The following MYO5B variants were observed in gnomAD, a reference collection of about 807,000 sequenced individuals.
MYO5B encodes myosin VB.
A neutral mutation model predicts 229.3 loss-of-function variants in MYO5B; 143 were observed. That is an observed-to-expected ratio of 0.62 (90% CI 0.54 to 0.72). The LOEUF (loss-of-function observed/expected upper bound fraction) is 0.72. Ranked by LOEUF, MYO5B falls within the 30% of genes least tolerant of loss-of-function variation. MYO5B has a pLI of 0.00. For synonymous variants in MYO5B, 918 were observed against 885.2 expected, an observed-to-expected ratio of 1.04 and a Z score of -0.66; for missense variants, 2,321 against 2,331.0, an observed-to-expected ratio of 1.00 and a Z score of 0.09.
intron 12 of MYO5B, among the ~76,000 whole-genome samples, chr18:49,956,678 C>CT (rs5824814): frequency 0.69 from 105,611 of 152,028 alleles, 37,426 homozygotes; most frequent in African/African-American, 0.83. Flanking sequence ...GCACATACAG[C>CT]TATATGAACT....
intron 30 of MYO5B, among the ~76,000 whole-genome samples, chr18:49,856,146 C>T (rs1056186178): frequency 2.6e-5 from 4 of 152,224 alleles, no homozygotes; most frequent in Non-Finnish European, 4.4e-5. Flanking sequence ...GGGTTTCAGG[C>T]ACAGACTCTG....
chr18:50,111,958 A>C (rs532529421), intron 1 of MYO5B, among the ~76,000 whole-genome samples: 1 of 152,232 alleles, frequency 6.6e-6, no homozygotes, highest in Non-Finnish European at 1.5e-5. Flanking sequence ...GGAGCAGAGA[A>C]GGAAGAGACA....
chr18:50,117,493 T>G (rs1447057973), intron 1 of MYO5B, among the ~76,000 whole-genome samples: 1 of 152,170 alleles, frequency 6.6e-6, no homozygotes, highest in African/African-American at 2.4e-5. Flanking sequence ...ATTATATCTT[T>G]CTATATACCA....
Position 50,053,842 on chromosome 18 carries a change from C to T in MYO5B, c.138+1426G>A, listed in dbSNP as rs150209870. Among the ~76,000 whole-genome samples, 166 of 152,324 alleles carry T rather than the reference C, an allele frequency of 1.1e-3. 1 individual carries two copies. Among genetic ancestry groups the T allele is most frequent in the African/African-American group, 3.8e-3 (157 of 41,576 alleles). ...CAGGAAATGATCAGAGGATATGGTACACACTTTTAGTGCTGTTGCCATTCA... is the reference window on the plus strand; with the variant it reads ...CAGGAAATGATCAGAGGATATGGTATACACTTTTAGTGCTGTTGCCATTCA... On this transcript the variant is annotated intron_variant, in intron 2 of 39. Transcript: ENST00000285039.
intron 1 of MYO5B, among the ~76,000 whole-genome samples, chr18:50,186,196 C>G (rs147162509): frequency 1.1e-3 from 162 of 152,312 alleles, no homozygotes; most frequent in African/African-American, 3.8e-3. Context: ...CCAAGCTGGG[C>G]CAGCCTCATC....
intron 17 of MYO5B, among the ~76,000 whole-genome samples, chr18:49,915,869 C>T (rs763780362): frequency 3.9e-5 from 6 of 152,190 alleles, no homozygotes; most frequent in African/African-American, 1.2e-4. Flanking sequence ...CTTCCTGTCT[C>T]GGCCCCCAAG....
At chr18:49,974,252 A>G in intron 10 of MYO5B, 98 bp downstream of exon 10, 1 of 1,563,336 alleles carries the variant, frequency 6.4e-7, no homozygotes, top group South Asian at 1.1e-5. Flanking sequence ...CTAAGTTGAG[A>G]ACCACCAGGA....
At chr18:49,947,582 A>C (rs891407833) in intron 14 of MYO5B, among the ~76,000 whole-genome samples, 3 of 152,218 alleles carry the variant, frequency 2.0e-5, no homozygotes, top group Non-Finnish European at 2.9e-5. Context: ...ACAAACTCCA[A>C]TTATGTGTTT....
At chr18:50,148,379 C>A (rs958777438) in intron 1 of MYO5B, among the ~76,000 whole-genome samples, 6 of 151,194 alleles carry the variant, frequency 4.0e-5, no homozygotes, top group African/African-American at 1.2e-4. Flanking sequence ...GAGACACAAG[C>A]AAAAAAGAGA....
chr18:49,925,832 G>A (rs1368212082), intron 17 of MYO5B, among the ~76,000 whole-genome samples: 1 of 152,184 alleles, frequency 6.6e-6, no homozygotes, highest in African/African-American at 2.4e-5. Context: ...GGCAATGAAA[G>A]GCAGTCTAAT....
chr18:49,869,023 T>A (rs1247520536), intron 27 of MYO5B, among the ~76,000 whole-genome samples: 1 of 152,216 alleles, frequency 6.6e-6, no homozygotes, highest in Non-Finnish European at 1.5e-5. Context: ...TGCATGTACC[T>A]GTGGGCAGCT....
intron 31 of MYO5B, chr18:49,851,018 A>G (rs1218026367): frequency 6.6e-6 from 1 of 152,224 alleles, no homozygotes; most frequent in African/African-American, 2.4e-5. Context: ...GTACAATATT[A>G]TCAAATCCAC....
intron 14 of MYO5B, among the ~76,000 whole-genome samples, chr18:49,950,356 A>G (rs1443932293): frequency 5.3e-5 from 8 of 152,140 alleles, no homozygotes; most frequent in African/African-American, 1.9e-4. Context: ...GATCACACCT[A>G]TTTTGTCCTC....
chr18:50,160,635 C>CG (rs1568128899), intron 1 of MYO5B, among the ~76,000 whole-genome samples: 2 of 151,902 alleles, frequency 1.3e-5, no homozygotes, highest in South Asian at 2.1e-4. Context: ...ATGAGAGGGT[C>CG]GGGGGGTGGC....
intron 1 of MYO5B, among the ~76,000 whole-genome samples, chr18:50,164,151 C>T (rs542050467): frequency 1.5e-4 from 23 of 152,318 alleles, no homozygotes; most frequent in African/African-American, 5.1e-4. Context: ...GCTCCCCACA[C>T]GAACCTCTTA....
chr18:49,830,829 CAA>C (rs59785909), intron 39 of MYO5B, among the ~76,000 whole-genome samples: 17,409 of 71,864 alleles, frequency 0.24, 797 homozygotes, highest in East Asian at 0.48. Flanking sequence ...GACTCTGTCT[CAA>C]AAAAAAAAAA....
At chr18:49,903,125 G>A (rs564758087) in intron 20 of MYO5B, among the ~76,000 whole-genome samples, 4 of 152,282 alleles carry the variant, frequency 2.6e-5, no homozygotes, top group African/African-American at 9.6e-5. Flanking sequence ...CAAGGTTGTA[G>A]GGGCCTAATG....
chr18:49,862,184 G>C (rs1440988948), intron 29 of MYO5B, among the ~76,000 whole-genome samples: 3 of 152,040 alleles, frequency 2.0e-5, no homozygotes, highest in Admixed American at 6.5e-5. Flanking sequence ...TTTTAGTAGA[G>C]ACAGGGTTTC....
chr18:49,957,769 A>G (rs1790800), intron 12 of MYO5B, among the ~76,000 whole-genome samples: 8,347 of 151,092 alleles, frequency 0.055, 311 homozygotes, highest in African/African-American at 0.092. Flanking sequence ...CACTGGCACC[A>G]ACCTTCCTGG....
Sources: allele counts gnomAD v4.1 joint callset (sites outside exome capture counted in the v4.1 genomes callset), GRCh38; gene constraint gnomAD v4.1.1; transcripts MANE v1.5; gene names NCBI Gene and HGNC (gene_info 2026-07-23, HGNC 2026-07-21).